SFI1: variants seen among roughly 807,000 people sequenced by gnomAD.
SFI1 encodes the protein protein SFI1 homolog.
Under a neutral mutation model 207.5 loss-of-function variants are expected in SFI1, and 195 were observed. The observed-to-expected ratio is 0.94, with a 90% CI of 0.84 to 1.06. SFI1 has a LOEUF of 1.06. Ranked by LOEUF, SFI1 falls within the 50% of genes least tolerant of loss-of-function variation. The pLI is 0.00. For synonymous variants in SFI1, 630 were observed against 598.9 expected (o/e 1.05, Z -0.76); for missense variants, 1,634 against 1,588.0 (o/e 1.03, Z -0.49).
chr22:31,547,996 C>T (rs968630066), intron 5 of SFI1, among the ~76,000 whole-genome samples: 1 of 150,952 alleles, frequency 6.6e-6, no homozygotes, highest in African/African-American at 2.4e-5. Flanking sequence ...GGGCGGATCA[C>T]GAGGTCAGGA....
At chr22:31,559,944 G>T (rs2061520553) in intron 7 of SFI1, 2 of 542,448 alleles carry the variant, frequency 3.7e-6, no homozygotes, top group Non-Finnish European at 3.4e-6. Context: ...AAATAAGTCT[G>T]CAGGCCTTGT....
chr22:31,603,855 C>G, intron 18 of SFI1, 36 bp downstream of exon 18: 1 of 1,564,038 alleles, frequency 6.4e-7, no homozygotes, highest in Non-Finnish European at 8.6e-7. Flanking sequence ...CCGTGTATGA[C>G]TTTTGGACAG....
chr22:31,574,360 C>T (rs1466373277), intron 9 of SFI1, among the ~76,000 whole-genome samples: 1 of 152,186 alleles, frequency 6.6e-6, no homozygotes, highest in Non-Finnish European at 1.5e-5. Context: ...TGCCTGCCTC[C>T]AATTACAGCA....
chr22:31,618,161 AAC>A lies in SFI1; in HGVS notation c.3561_3562del (p.Asn1187LysfsTer7), dbSNP rs781123205. Reference protein sequence around the residue: ...ASSLRRWLELNREEPGPEDQE... With the variant: ...ASSLRRWLELXREEPGPEDQE... ...CAGCCTGCGCAGGTGGCTGGAGCTG[AAC>A]AGAGAGGAGCCGGGGCCTGAGGACC... On this transcript the variant is annotated frameshift_variant, in exon 32 of 33. Transcript: ENST00000400288. LOFTEE classifies it high-confidence loss of function. 6.3e-7 allele frequency: 1 copy of A among 1,592,438 alleles called. No individual in the cohort carries two copies. The highest frequency in any genetic ancestry group is 8.5e-7 in the Non-Finnish European group (1 of 1,171,574).
At chr22:31,594,000 G>GGGGCCGGGGC (rs1569421832) in intron 15 of SFI1, among the ~76,000 whole-genome samples, 1 of 86,758 alleles carries the variant, frequency 1.2e-5, no homozygotes, top group Non-Finnish European at 2.7e-5. Context: ...GGGAGAGGGA[G>GGGGCCGGGGC]AGGGACAGGG....
intron 6 of SFI1, among the ~76,000 whole-genome samples, chr22:31,553,722 T>C (rs1409779184): frequency 6.6e-6 from 1 of 151,316 alleles, no homozygotes; most frequent in Non-Finnish European, 1.5e-5. Context: ...AAAGCATGAT[T>C]TGCTATGTTT....
At chr22:31,592,784 C>T (rs570315516) in intron 15 of SFI1, among the ~76,000 whole-genome samples, 59 of 128,532 alleles carry the variant, frequency 4.6e-4, no homozygotes, top group Middle Eastern at 5.4e-3. Flanking sequence ...ACCTCCCAGA[C>T]GGGGCGGCTG....
chr22:31,584,220 A>G (rs1490278978), intron 13 of SFI1, among the ~76,000 whole-genome samples: 1 of 152,190 alleles, frequency 6.6e-6, no homozygotes, highest in East Asian at 1.9e-4. Context: ...CTGGTCGCTC[A>G]CTGCCTTGGT....
At chr22:31,545,309 G>C (rs1692789131) in intron 4 of SFI1, among the ~76,000 whole-genome samples, 2 of 147,530 alleles carry the variant, frequency 1.4e-5, no homozygotes, top group Admixed American at 1.3e-4. Flanking sequence ...AGGTTGCGAT[G>C]AACCGAGATC....
chr22:31,510,585 CACCACGCCTGGCTA>C (rs1482788899), intron 2 of SFI1, among the ~76,000 whole-genome samples: 1 of 151,984 alleles, frequency 6.6e-6, no homozygotes, highest in Non-Finnish European at 1.5e-5. Flanking sequence ...AGATGCATGC[CACCACGCCTGGCTA>C]ATTTTTGTAT....
intron 15 of SFI1, among the ~76,000 whole-genome samples, chr22:31,590,810 C>G (rs1399902300): frequency 6.7e-6 from 1 of 148,714 alleles, no homozygotes; most frequent in East Asian, 2.0e-4. Flanking sequence ...GCCAGCGTTT[C>G]AAGTTTTTAA....
In SFI1 at chr22:31,602,626, G is replaced by A. The variant is rs2006771; in HGVS notation, c.1646G>A (p.Arg549Gln). The change falls in exon 17 of 33, where the codon CGA (arginine) becomes CAA (glutamine). Residue 549 changes from arginine (R) to glutamine (Q), a missense_variant. Physicochemically the swap from Arg to Gln is conservative, Grantham distance 43 (BLOSUM62 1). Transcript: ENST00000400288. Reference protein sequence around the residue: ...AERMAILHAERQLLYRSWFMW... With the variant: ...AERMAILHAEQQLLYRSWFMW... The stretch of plus-strand genomic sequence containing the variant: ...CCTCAGGCCATCCTTCACGCAGAGC[G>A]ACAGCTTCTGTATAGGTCTTGGTTC... The A allele has an allele frequency of 0.44, 711,890 of 1,613,692 alleles. 160,800 individuals are homozygous for A. The highest frequency in any genetic ancestry group is 0.54 in the Middle Eastern group (3,297 of 6,060).
chr22:31,607,201 C>T (rs902183607), intron 21 of SFI1, among the ~76,000 whole-genome samples: 1 of 152,096 alleles, frequency 6.6e-6, no homozygotes, highest in Non-Finnish European at 1.5e-5. Flanking sequence ...CATGACAGCT[C>T]GCAGAGCAGG....
intron 15 of SFI1, among the ~76,000 whole-genome samples, chr22:31,593,189 A>C (rs1369296070): frequency 4.2e-5 from 6 of 144,524 alleles, no homozygotes; most frequent in Non-Finnish European, 9.1e-5. Context: ...GACGCTCCTC[A>C]CCTCCCAGAT....
At chr22:31,586,675 C>T (rs2065065320) in intron 14 of SFI1, among the ~76,000 whole-genome samples, 1 of 152,124 alleles carries the variant, frequency 6.6e-6, no homozygotes, top group Admixed American at 6.6e-5. Flanking sequence ...TGCAGGAAAG[C>T]CTTTCAGAAA....
chr22:31,558,382 A>T (rs951282988), intron 7 of SFI1, among the ~76,000 whole-genome samples: 7 of 152,190 alleles, frequency 4.6e-5, no homozygotes, highest in Admixed American at 2.6e-4. Flanking sequence ...AAATTTTTTT[A>T]AATAATTAAA....
intron 6 of SFI1, among the ~76,000 whole-genome samples, chr22:31,553,118 C>T (rs144422050): frequency 2.8e-4 from 42 of 152,284 alleles, no homozygotes; most frequent in Non-Finnish European, 4.9e-4. Flanking sequence ...GCTAGGATTA[C>T]AAGCATAAGC....
At chr22:31,556,657 G>A (rs1263474175) in intron 6 of SFI1, among the ~76,000 whole-genome samples, 5 of 152,146 alleles carry the variant, frequency 3.3e-5, no homozygotes, top group Non-Finnish European at 7.3e-5. Flanking sequence ...TCTAAAAATT[G>A]CAGAGTATAT....
chr22:31,587,476 T>A (rs1443733547), intron 14 of SFI1: 2 of 64,746 alleles, frequency 3.1e-5, no homozygotes, highest in African/African-American at 1.1e-4. Context: ...CTAATGTTTG[T>A]GTTTTGTTTT....
Sources: gnomAD v4.1 joint callset for allele counts (sites outside exome capture counted in the v4.1 genomes callset) on GRCh38, gnomAD v4.1.1 for gene constraint, MANE v1.5 for transcripts, NCBI Gene and HGNC (gene_info 2026-07-23, HGNC 2026-07-21) for gene names.